Variants in ERBB4 observed in about 807,000 individuals in gnomAD.
ERBB4 encodes the protein receptor tyrosine-protein kinase erbB-4.
Under a neutral mutation model 158.0 loss-of-function variants are expected in ERBB4, and 42 were observed. The ratio of observed to expected loss-of-function variants is 0.27; its 90% CI spans 0.21 to 0.34. The LOEUF is 0.34. Among genes scored for constraint, ERBB4 ranks in the 10% least tolerant of loss-of-function variants. The pLI is 1.00. For synonymous variants in ERBB4, 583 were observed against 558.7 expected (o/e 1.04, Z -0.61); for missense variants, 1,333 against 1,624.1 (o/e 0.82, Z 3.08).
intron 1 of ERBB4, among the ~76,000 whole-genome samples, chr2:212,278,713 T>C (rs2085638761): frequency 6.6e-6 from 1 of 151,690 alleles, no homozygotes; most frequent in Non-Finnish European, 1.5e-5. Flanking sequence ...GTAGCTAGTA[T>C]TTTAGAATGA....
chr2:211,410,206 G>C (rs746047985), intron 25 of ERBB4, among the ~76,000 whole-genome samples: 3 of 152,156 alleles, frequency 2.0e-5, no homozygotes, highest in Non-Finnish European at 2.9e-5. Flanking sequence ...GACTTTATAC[G>C]CAATGAATAA....
In ERBB4 at chr2:211,682,050, TCACACACACA is replaced by T. The variant is rs60803024; in HGVS notation, c.1490-2876_1490-2867del. ...GAACCATTAAGACATTTTATACACA[TCACACACACA>T]CACACACACACACACACACACACAC... On this transcript the variant is annotated intron_variant, in intron 12 of 27. Transcript: ENST00000342788. 1.5e-3 allele frequency among the ~76,000 whole-genome samples: 207 copies of T among 134,482 alleles called. 1 individual carries two copies. The highest frequency in any genetic ancestry group is 5.1e-3 in the East Asian group (24 of 4,742). The allele number at this position is 134,482 out of a possible 152,430, so 88.2% of individuals were successfully genotyped here.
intron 1 of ERBB4, among the ~76,000 whole-genome samples, chr2:212,287,917 G>C (rs1328491273): frequency 6.6e-6 from 1 of 152,094 alleles, no homozygotes; most frequent in African/African-American, 2.4e-5. Context: ...GTGGAGCATG[G>C]AAGGAGGGAG....
In ERBB4 at chr2:212,258,334, T is replaced by A. The variant is rs149606565; in HGVS notation, c.83-133431A>T. Reference sequence around the variant, plus strand: ...AGAAAATAATCTGAATCTATAATGATCTTTTAAAAATTCAAACTTGGTTTA... The same window carrying A: ...AGAAAATAATCTGAATCTATAATGAACTTTTAAAAATTCAAACTTGGTTTA... On this transcript the variant is annotated intron_variant, in intron 1 of 27. Transcript: ENST00000342788. Among the ~76,000 whole-genome samples, 834 of 151,902 alleles carry A rather than the reference T, an allele frequency of 5.5e-3. 6 individuals carry two copies. Among genetic ancestry groups the A allele is most frequent in the African/African-American group, 0.019 (773 of 41,514 alleles).
chr2:212,170,250 C>T (rs1435115460), intron 1 of ERBB4, among the ~76,000 whole-genome samples: 1 of 152,192 alleles, frequency 6.6e-6, no homozygotes, highest in African/African-American at 2.4e-5. Context: ...GAGCAAATAT[C>T]ACTCTTGATA....
At chr2:211,898,970 A>G (rs2125026142) in intron 3 of ERBB4, among the ~76,000 whole-genome samples, 1 of 152,196 alleles carries the variant, frequency 6.6e-6, no homozygotes, top group South Asian at 2.1e-4. Flanking sequence ...TCCTTCTCCT[A>G]TGTTGCACTT....
chr2:212,322,606 T>C (rs1001680543), intron 1 of ERBB4, among the ~76,000 whole-genome samples: 1 of 150,564 alleles, frequency 6.6e-6, no homozygotes, highest in African/African-American at 2.4e-5. Flanking sequence ...ATAAGTCTGT[T>C]GTAAAAGATT....
intron 1 of ERBB4, among the ~76,000 whole-genome samples, chr2:212,524,946 TC>T (rs1692368221): frequency 6.6e-6 from 1 of 152,008 alleles, no homozygotes; most frequent in Admixed American, 6.6e-5. Flanking sequence ...TGAAGGTCCA[TC>T]ATTGTGCCAC....
At chr2:211,386,157 G>A (rs1295130605) in intron 27 of ERBB4, among the ~76,000 whole-genome samples, 1 of 152,092 alleles carries the variant, frequency 6.6e-6, no homozygotes, top group Non-Finnish European at 1.5e-5. Flanking sequence ...GATACTGTTA[G>A]CATAGAAGAA....
chr2:211,871,814 C>T (rs1007686941), intron 3 of ERBB4, among the ~76,000 whole-genome samples: 6 of 152,082 alleles, frequency 3.9e-5, no homozygotes, highest in African/African-American at 1.2e-4. Flanking sequence ...TAGTTATTCA[C>T]CTTGCAATCA....
rs375885667 is a variant in ERBB4 at position 211,950,681 on chromosome 2, A to G, written c.235-3065T>C. On this transcript the variant is annotated intron_variant, in intron 2 of 27. Transcript: ENST00000342788. ...AGGAAAGGGATATATGGAATTACTC[A>G]TATCTGGCATCAAATTGGGAACTCT... Among the ~76,000 whole-genome samples the G allele has an allele frequency of 8.7e-4, 132 of 152,292 alleles. 3 individuals carry two copies. The South Asian group carries it at 0.024, about 28-fold the overall frequency.
intron 1 of ERBB4, among the ~76,000 whole-genome samples, chr2:212,311,958 T>G (rs563467336): frequency 7.9e-5 from 12 of 151,150 alleles, no homozygotes; most frequent in Admixed American, 4.0e-4. Flanking sequence ...CAGGGGCAAC[T>G]GTCAAAATCG....
intron 3 of ERBB4, among the ~76,000 whole-genome samples, chr2:211,911,671 G>T (rs943929789): frequency 6.6e-6 from 1 of 152,124 alleles, no homozygotes; most frequent in Admixed American, 6.6e-5. Context: ...AAGAAATAAT[G>T]TGATGGAGAA....
chr2:211,609,119 C>T (rs1329983055), intron 19 of ERBB4, among the ~76,000 whole-genome samples: 1 of 152,100 alleles, frequency 6.6e-6, no homozygotes, highest in Non-Finnish European at 1.5e-5. Context: ...CCTCCTGTCG[C>T]TCAGTCCCAT....
chr2:211,817,519 A>G (rs2076904771), intron 3 of ERBB4, among the ~76,000 whole-genome samples: 1 of 152,198 alleles, frequency 6.6e-6, no homozygotes, highest in Admixed American at 6.5e-5. Context: ...AAACTTTGAA[A>G]AGGTATCATA....
chr2:211,979,113 G>A (rs1432023624), intron 2 of ERBB4, among the ~76,000 whole-genome samples: 3 of 151,974 alleles, frequency 2.0e-5, no homozygotes, highest in Admixed American at 6.5e-5. Flanking sequence ...ACACTACCAC[G>A]GAAACACAAT....
In ERBB4 at chr2:211,526,198, C is replaced by T. The variant is rs147934902; in HGVS notation, c.2487+35705G>A. 3.2e-3 allele frequency among the ~76,000 whole-genome samples: 481 copies of T among 152,162 alleles called. 1 individual carries two copies. The highest frequency in any genetic ancestry group is 0.011 in the African/African-American group (462 of 41,536). On this transcript the variant is annotated intron_variant, in intron 20 of 27. Transcript: ENST00000342788. ...CTGAGCAGAGTCCCAGTGATGGTAC[C>T]TACAGGGGTGCTTGTGTCACTCATC... is the stretch of plus-strand genomic sequence containing the variant.
Position 212,124,646 on chromosome 2 carries a change from C to T in ERBB4, c.234+106G>A, listed in dbSNP as rs1272505934. On this transcript the variant is annotated intron_variant, in intron 2 of 27. Coordinates refer to ENST00000342788, the MANE Select transcript of ERBB4 (RefSeq NM_005235.3). ...CTTTTGCCTATAGTCACAGTGCCTG[C>T]CAGGCAGAAGAGCACCCCTTCCAGG... 7 of 1,282,648 alleles carry T rather than the reference C, an allele frequency of 5.5e-6. No individual in the cohort carries two copies. The African/African-American group carries it at 7.3e-5, about 13-fold the overall frequency. 79.5% of individuals were successfully genotyped at this position (1,282,648 alleles called of 1,614,324 possible). A position where few individuals can be genotyped will look rare whatever the true frequency, so the allele number is the denominator to read the frequency against.
At chr2:212,154,038 T>C (rs2080954979) in intron 1 of ERBB4, among the ~76,000 whole-genome samples, 2 of 152,142 alleles carry the variant, frequency 1.3e-5, no homozygotes, top group East Asian at 3.9e-4. Context: ...ACCTCGTATA[T>C]GCCCCCTACC....
Sources: gnomAD v4.1 joint callset for allele counts (sites outside exome capture counted in the v4.1 genomes callset) on GRCh38, gnomAD v4.1.1 for gene constraint, MANE v1.5 for transcripts, NCBI Gene and HGNC (gene_info 2026-07-23, HGNC 2026-07-21) for gene names.